INTS6: variants seen among roughly 807,000 people sequenced by gnomAD.
INTS6 encodes integrator complex subunit 6.
In INTS6, 16 loss-of-function variants were observed where a neutral mutation model predicts 104.9. That is an observed-to-expected ratio of 0.15 (90% CI 0.10 to 0.23). The LOEUF (loss-of-function observed/expected upper bound fraction) is 0.23, where lower values mean the gene tolerates loss of function less well. Among genes scored for constraint, INTS6 ranks in the 10% least tolerant of loss-of-function variants. The pLI is 1.00. For missense variants in INTS6, 584 were observed against 1,062.8 expected, an observed-to-expected ratio of 0.55 and a Z score of 6.26; for synonymous variants, 324 against 358.7, an observed-to-expected ratio of 0.90 and a Z score of 1.09.
intron 3 of INTS6, 160 bp downstream of exon 3, chr13:51,450,865 A>G: frequency 8.0e-7 from 1 of 1,249,966 alleles, no homozygotes; most frequent in Non-Finnish European, 1.0e-6. Context: ...TGTAAAATAT[A>G]TATAGTAGGG....
intron 3 of INTS6, chr13:51,450,276 C>T (rs1196458103): frequency 1.0e-6 from 1 of 984,864 alleles, no homozygotes; most frequent in Non-Finnish European, 1.2e-6. Flanking sequence ...TAAAATGTTA[C>T]AATAGACCAC....
the INTS6 span, among the ~76,000 whole-genome samples, chr13:51,338,937 T>C: frequency 2.4e-4 from 36 of 152,366 alleles, no homozygotes; most frequent in African/African-American, 8.4e-4. Flanking sequence ...CTACCATCTA[T>C]TTTGAACTTA....
intron 5 of INTS6, among the ~76,000 whole-genome samples, chr13:51,394,162 G>A (rs1014268265): frequency 2.0e-5 from 3 of 151,940 alleles, no homozygotes; most frequent in African/African-American, 7.3e-5. Flanking sequence ...TCTATGTAAC[G>A]AGAATTGTTC....
intron 4 of INTS6, among the ~76,000 whole-genome samples, chr13:51,424,178 T>C (rs1487064359): frequency 6.6e-6 from 1 of 152,064 alleles, no homozygotes; most frequent in Non-Finnish European, 1.5e-5. Flanking sequence ...TCTAACAGGC[T>C]AATAAACACA....
intron 4 of INTS6, among the ~76,000 whole-genome samples, chr13:51,412,830 T>C (rs1436272565): frequency 1.3e-5 from 2 of 152,156 alleles, no homozygotes; most frequent in African/African-American, 4.8e-5. Flanking sequence ...TCAATAAAAA[T>C]TGATAAAGAA....
At chr13:51,367,934 C>T in intron 16 of INTS6, 36 bp from the exon 17 acceptor site, 3 of 1,157,686 alleles carry the variant, frequency 2.6e-6, no homozygotes, top group Non-Finnish European at 3.7e-6. Context: ...AAATTAAGTG[C>T]CTTTCATTTG....
the INTS6 span, chr13:51,347,346 G>T: frequency 6.6e-6 from 6 of 910,292 alleles, no homozygotes; most frequent in Non-Finnish European, 1.0e-5. Flanking sequence ...TTTCCGCAGG[G>T]TCCATCTGCT....
chr13:51,345,324 C>T, the INTS6 span, among the ~76,000 whole-genome samples: 1 of 152,104 alleles, frequency 6.6e-6, no homozygotes, highest in Non-Finnish European at 1.5e-5. Flanking sequence ...ATTCAAGACC[C>T]AGTGTTGGTT....
chr13:51,422,971 T>C (rs1192865330), intron 4 of INTS6: 2 of 921,624 alleles, frequency 2.2e-6, no homozygotes, highest in African/African-American at 1.7e-5. Flanking sequence ...TCTCAGAACC[T>C]TCTGTTTATT....
chr13:51,400,635 C>T (rs1956419210), intron 4 of INTS6, among the ~76,000 whole-genome samples: 1 of 152,026 alleles, frequency 6.6e-6, no homozygotes, highest in African/African-American at 2.4e-5. Flanking sequence ...GTGTCAAAAA[C>T]AGTATTACAT....
chr13:51,435,302 G>A (rs573188798), intron 3 of INTS6, among the ~76,000 whole-genome samples: 59 of 151,982 alleles, frequency 3.9e-4, no homozygotes, highest in African/African-American at 1.4e-3. Flanking sequence ...AAAATATAAT[G>A]TTCTAGCTCT....
At chr13:51,403,991 G>C (rs546935115) in intron 4 of INTS6, among the ~76,000 whole-genome samples, 1 of 151,100 alleles carries the variant, frequency 6.6e-6, no homozygotes, top group Admixed American at 6.6e-5. Context: ...GGAGGCTGAG[G>C]CAGGCAGGAT....
chr13:51,425,145 C>T (rs1956963356), intron 4 of INTS6, among the ~76,000 whole-genome samples: 1 of 151,958 alleles, frequency 6.6e-6, no homozygotes, highest in African/African-American at 2.4e-5. Flanking sequence ...TTATAATCTT[C>T]ACCAGTTAAA....
intron 11 of INTS6, among the ~76,000 whole-genome samples, chr13:51,378,910 C>G (rs1429867304): frequency 6.6e-6 from 1 of 151,934 alleles, no homozygotes; most frequent in African/African-American, 2.4e-5. Context: ...TCCCAAACTG[C>G]CTTTTGATTT....
At chr13:51,411,784 T>C (rs1566233436) in intron 4 of INTS6, among the ~76,000 whole-genome samples, 1 of 152,074 alleles carries the variant, frequency 6.6e-6, no homozygotes, top group Non-Finnish European at 1.5e-5. Flanking sequence ...GCTAGATATA[T>C]ACTTATCATA....
downstream of INTS6, among the ~76,000 whole-genome samples, chr13:51,350,253 T>C (rs369127620): frequency 2.0e-5 from 3 of 152,302 alleles, no homozygotes; most frequent in East Asian, 5.8e-4. Context: ...TTATGGTGTC[T>C]AGCTTCCAAA....
intron 16 of INTS6, 136 bp from the exon 17 acceptor site, chr13:51,368,034 A>G (rs1320634035): frequency 1.9e-6 from 1 of 514,396 alleles, no homozygotes; most frequent in Non-Finnish European, 3.4e-6. Context: ...ACCACTCATT[A>G]GAGATTTTAT....
chr13:51,383,777 A>T (rs766557484), intron 7 of INTS6, 36 bp from the exon 8 acceptor site: 4 of 1,522,380 alleles, frequency 2.6e-6, no homozygotes, highest in Non-Finnish European at 2.7e-6. Flanking sequence ...TACTTACATG[A>T]AATTTCAGAA....
chr13:51,409,313 A>G (rs922066714), intron 4 of INTS6, among the ~76,000 whole-genome samples: 27 of 134,206 alleles, frequency 2.0e-4, no homozygotes, highest in South Asian at 1.2e-3. Flanking sequence ...AATAATAATA[A>G]TAGTATAACT....
Sources: gnomAD v4.1 joint callset for allele counts (sites outside exome capture counted in the v4.1 genomes callset) on GRCh38, gnomAD v4.1.1 for gene constraint, MANE v1.5 for transcripts, NCBI Gene and HGNC (gene_info 2026-07-23, HGNC 2026-07-21) for gene names.